Variants in SPATA6 observed in about 807,000 individuals in gnomAD.
SPATA6 encodes the protein spermatogenesis associated 6, also known as spermatogenesis-associated protein 6.
In SPATA6, 56 loss-of-function variants were observed where a neutral mutation model predicts 65.3. The observed-to-expected ratio is 0.86, with a 90% CI of 0.69 to 1.07. The LOEUF is 1.07. Ranked by LOEUF, SPATA6 falls within the 50% of genes least tolerant of loss-of-function variation. The probability of loss-of-function intolerance (pLI) is 0.00; values close to 1 mark genes in which losing one functional copy is unlikely to be tolerated. For synonymous variants in SPATA6, 199 were observed against 213.2 expected (o/e 0.93, Z 0.58); for missense variants, 590 against 594.8 (o/e 0.99, Z 0.08).
Position 48,453,096 on chromosome 1 carries a change from C to T in SPATA6, c.87G>A (p.Glu29=). 1 of 1,613,390 alleles carries T rather than the reference C, an allele frequency of 6.2e-7. No individual in the cohort carries two copies. Among genetic ancestry groups the T allele is most frequent in the Non-Finnish European group, 8.5e-7 (1 of 1,179,740 alleles). ...TCPGVVLKDK[E]DIYLSICVFG... is the part of the protein sequence containing the mutation. ...ACACACAGATGCTAAGATAGATGTC[C>T]TCTTTGTCTTTAAGCACGACTCCTG... is the stretch of plus-strand genomic sequence containing the variant. The change falls in exon 2 of 13, where the codon GAG becomes GAA. Residue 29 remains glutamate (E), a synonymous_variant. Coordinates refer to ENST00000371847, the MANE Select transcript of SPATA6 (RefSeq NM_019073.4).
chr1:48,317,234 T>C (rs1645456971), intron 11 of SPATA6, among the ~76,000 whole-genome samples: 1 of 152,176 alleles, frequency 6.6e-6, no homozygotes, highest in Admixed American at 6.5e-5. Flanking sequence ...CACACATATG[T>C]TTATCGCGGC....
chr1:48,431,490 T>C (rs1198213968), intron 3 of SPATA6, among the ~76,000 whole-genome samples: 1 of 152,112 alleles, frequency 6.6e-6, no homozygotes, highest in East Asian at 1.9e-4. Flanking sequence ...CAAGTATATA[T>C]GGGGTATATA....
chr1:48,453,945 A>AG (rs1244079763), intron 1 of SPATA6, among the ~76,000 whole-genome samples: 2 of 151,822 alleles, frequency 1.3e-5, no homozygotes, highest in East Asian at 1.9e-4. Context: ...CTGCAGTTTT[A>AG]GGGGGAAAAA....
intron 11 of SPATA6, among the ~76,000 whole-genome samples, chr1:48,317,152 A>G (rs1346794886): frequency 6.6e-6 from 1 of 152,228 alleles, no homozygotes; most frequent in Non-Finnish European, 1.5e-5. Context: ...TAGAAATACC[A>G]TTTGACCCAG....
Position 48,399,652 on chromosome 1 carries a change from T to A in SPATA6, c.487-8A>T, listed in dbSNP as rs1553163997. On this transcript the variant is annotated splice_region_variant and splice_polypyrimidine_tract_variant and intron_variant, in intron 6 of 12. Transcript: ENST00000371847. ...ATGGTAAATAAATTTATCCTAAACA[T>A]AAAAAATAAAAATTAACTTGGTCAA... 6.5e-7 allele frequency: 1 copy of A among 1,550,372 alleles called. No individual in the cohort carries two copies. Among genetic ancestry groups the A allele is most frequent in the African/African-American group, 1.4e-5 (1 of 72,014 alleles).
intron 3 of SPATA6, among the ~76,000 whole-genome samples, chr1:48,445,904 A>G (rs1019421465): frequency 2.6e-5 from 4 of 152,114 alleles, no homozygotes; most frequent in African/African-American, 9.7e-5. Flanking sequence ...TGCTGCCATA[A>G]ATTAGGTTAA....
At chr1:48,325,585 A>G (rs1218031977) in intron 11 of SPATA6, 1 of 913,990 alleles carries the variant, frequency 1.1e-6, no homozygotes, top group East Asian at 2.5e-5. Flanking sequence ...CCTCAATGGT[A>G]AAGGTGGAAA....
At chr1:48,282,162 AC>A in the SPATA6 span, among the ~76,000 whole-genome samples, 1 of 152,242 alleles carries the variant, frequency 6.6e-6, no homozygotes. Context: ...TCTCTTCCTT[AC>A]ACCTTTTACA....
intron 8 of SPATA6, among the ~76,000 whole-genome samples, chr1:48,392,300 A>G (rs1650152783): frequency 6.6e-6 from 1 of 152,088 alleles, no homozygotes; most frequent in Non-Finnish European, 1.5e-5. Context: ...AGAGTCTAAC[A>G]TATTTCCTAA....
the SPATA6 span, among the ~76,000 whole-genome samples, chr1:48,279,248 C>T: frequency 1.8e-4 from 28 of 152,254 alleles, no homozygotes; most frequent in African/African-American, 6.7e-4. Flanking sequence ...TAAAGACCAT[C>T]GAGGCTAGGA....
chr1:48,316,313 T>A (rs1203909916), intron 11 of SPATA6, among the ~76,000 whole-genome samples: 2 of 152,166 alleles, frequency 1.3e-5, no homozygotes, highest in Non-Finnish European at 2.9e-5. Context: ...CAAAACAGCA[T>A]GGTACTGGTA....
At chr1:48,368,770 C>T (rs936668440) in intron 9 of SPATA6, among the ~76,000 whole-genome samples, 1 of 152,106 alleles carries the variant, frequency 6.6e-6, no homozygotes, top group Admixed American at 6.5e-5. Flanking sequence ...GTAGTTTGAT[C>T]GTCCGAAGAC....
At chr1:48,436,903 G>C in intron 3 of SPATA6, 1 of 1,613,490 alleles carries the variant, frequency 6.2e-7, no homozygotes, top group South Asian at 1.1e-5. Context: ...CTCTGGAATT[G>C]GAGAAAGTGT....
intron 11 of SPATA6, among the ~76,000 whole-genome samples, chr1:48,326,434 A>G (rs991761754): frequency 6.6e-6 from 1 of 152,132 alleles, no homozygotes; most frequent in Admixed American, 6.5e-5. Context: ...TACCCAAAGC[A>G]ATCTACAGAT....
chr1:48,350,965 A>C (rs1454998220), intron 11 of SPATA6, among the ~76,000 whole-genome samples: 1 of 151,964 alleles, frequency 6.6e-6, no homozygotes. Flanking sequence ...TGAGATTCAA[A>C]TATTGAATCC....
intron 3 of SPATA6, among the ~76,000 whole-genome samples, chr1:48,426,370 T>A (rs2148037970): frequency 6.6e-6 from 1 of 152,296 alleles, no homozygotes; most frequent in Non-Finnish European, 1.5e-5. Context: ...AGATTAGTCC[T>A]GGTAGCCCAT....
chr1:48,450,008 G>A (rs1270476093), intron 3 of SPATA6, among the ~76,000 whole-genome samples: 3 of 152,088 alleles, frequency 2.0e-5, no homozygotes, highest in Non-Finnish European at 2.9e-5. Context: ...CACTGTTAGT[G>A]TGGGTATTAT....
chr1:48,421,262 A>T (rs1165618480), intron 3 of SPATA6, among the ~76,000 whole-genome samples: 1 of 152,102 alleles, frequency 6.6e-6, no homozygotes, highest in Non-Finnish European at 1.5e-5. Flanking sequence ...TCCTAATTTG[A>T]TCATTACACA....
At chr1:48,422,884 T>C (rs1009326016) in intron 3 of SPATA6, among the ~76,000 whole-genome samples, 2 of 152,148 alleles carry the variant, frequency 1.3e-5, no homozygotes, top group African/African-American at 4.8e-5. Flanking sequence ...TATATCTCTT[T>C]ACCAAAAGAT....
Sources: allele counts gnomAD v4.1 joint callset (sites outside exome capture counted in the v4.1 genomes callset), GRCh38; gene constraint gnomAD v4.1.1; transcripts MANE v1.5; gene names NCBI Gene and HGNC (gene_info 2026-07-23, HGNC 2026-07-21).